Variants in APP observed in about 807,000 individuals in gnomAD.
APP encodes the protein amyloid beta precursor protein.
APP carries 31 observed loss-of-function variants against 101.4 expected under a neutral mutation model. The observed-to-expected ratio is 0.31, with a 90% CI of 0.23 to 0.41. APP has a LOEUF of 0.41. Among genes scored for constraint, APP ranks in the 10% least tolerant of loss-of-function variants. The pLI is 1.00. For synonymous variants in APP, 366 were observed against 364.4 expected, an observed-to-expected ratio of 1.00 and a Z score of -0.05; for missense variants, 839 against 1,003.7, an observed-to-expected ratio of 0.84 and a Z score of 2.22.
At chr21:26,036,950 T>G (rs756744962) in intron 5 of APP, among the ~76,000 whole-genome samples, 6 of 152,128 alleles carry the variant, frequency 3.9e-5, no homozygotes, top group Middle Eastern at 3.4e-3. Flanking sequence ...CCAAAGAGAC[T>G]AATGGATGAA....
intron 13 of APP, among the ~76,000 whole-genome samples, chr21:25,917,029 G>A (rs554071680): frequency 2.6e-5 from 4 of 152,256 alleles, no homozygotes; most frequent in East Asian, 3.9e-4. Flanking sequence ...TTGGGAGGCC[G>A]AGGTGGGTGG....
intron 11 of APP, among the ~76,000 whole-genome samples, chr21:25,956,122 T>A (rs2041310095): frequency 6.6e-6 from 1 of 152,210 alleles, no homozygotes; most frequent in African/African-American, 2.4e-5. Context: ...GAGACTACAT[T>A]GCTACGTGTA....
At chr21:26,032,686 T>C (rs544302348) in intron 5 of APP, among the ~76,000 whole-genome samples, 1 of 152,308 alleles carries the variant, frequency 6.6e-6, no homozygotes, top group Non-Finnish European at 1.5e-5. Flanking sequence ...AGCTTAAATG[T>C]ATACTTATGA....
At chr21:26,124,578 C>A (rs2062642779) in intron 1 of APP, among the ~76,000 whole-genome samples, 1 of 152,098 alleles carries the variant, frequency 6.6e-6, no homozygotes, top group African/African-American at 2.4e-5. Context: ...TTTTTTTAAT[C>A]CTGCTGCTAA....
At chr21:26,028,674 T>C (rs553665770) in intron 5 of APP, among the ~76,000 whole-genome samples, 66 of 152,152 alleles carry the variant, frequency 4.3e-4, no homozygotes, top group Non-Finnish European at 6.0e-4. Flanking sequence ...CATTCATCCA[T>C]TGAATCATTC....
At chr21:25,891,609 C>G in intron 17 of APP, 113 bp downstream of exon 17, 1 of 1,037,146 alleles carries the variant, frequency 9.6e-7, no homozygotes. Context: ...ATCATGGAAG[C>G]ACACTGATTC....
In APP at chr21:26,020,401, A is replaced by G. The variant is rs546583153; in HGVS notation, c.865+1439T>C. ...GCAAATTTCTTAAAGCCGCTGAATT[A>G]TATACTTAAAAGCAAATGAAACTTA... is the stretch of plus-strand genomic sequence containing the variant. On this transcript the variant is annotated intron_variant, in intron 6 of 17. Coordinates refer to ENST00000346798, the MANE Select transcript of APP (RefSeq NM_000484.4). 7.2e-4 allele frequency among the ~76,000 whole-genome samples: 109 copies of G among 152,326 alleles called. 1 individual carries two copies. Among genetic ancestry groups the G allele is most frequent in the Middle Eastern group, 6.8e-3 (2 of 294 alleles).
In APP at chr21:26,021,928, C is replaced by T. The variant is rs1449554896; in HGVS notation, c.777G>A (p.Glu259=). 2 of 1,613,244 alleles carry T rather than the reference C, an allele frequency of 1.2e-6. No homozygotes were observed. The highest frequency in any genetic ancestry group is 2.2e-5 in the East Asian group (1 of 44,844). Residue 259 remains glutamate, a synonymous_variant, in exon 6 of 18, where the codon GAG becomes GAA. Transcript: ENST00000346798. ...EDGDEVEEEA[E]EPYEEATERT... The stretch of plus-strand genomic sequence containing the variant: ...TCTCTGTGGCTTCTTCGTAGGGTTC[C>T]TCAGCCTCTTCCTCTACCTCATCAC...
chr21:26,094,321 C>G (rs1399401587), intron 2 of APP, among the ~76,000 whole-genome samples: 1 of 151,948 alleles, frequency 6.6e-6, no homozygotes, highest in African/African-American at 2.4e-5. Flanking sequence ...CATTAGCAAT[C>G]AAGGTAACAA....
intron 3 of APP, among the ~76,000 whole-genome samples, chr21:26,057,895 C>T (rs2145981783): frequency 1.3e-5 from 2 of 152,202 alleles, no homozygotes; most frequent in East Asian, 3.8e-4. Context: ...TTATAATCTA[C>T]AATGTGGTCA....
chr21:26,096,938 T>C lies in APP; in HGVS notation c.226-6866A>G, dbSNP rs2061954830. Among the ~76,000 whole-genome samples, 3 of 152,194 alleles carry C rather than the reference T, an allele frequency of 2.0e-5. No individual in the cohort carries two copies. The South Asian group carries it at 6.2e-4, about 32-fold the overall frequency. ...AGGGAAGATGAGAAACAGACAAGAC[T>C]GGATCTGGCAGAGACCGGATCTGAC... is the stretch of plus-strand genomic sequence containing the variant. On this transcript the variant is annotated intron_variant, in intron 2 of 17. Transcript: ENST00000346798.
chr21:26,133,758 C>T (rs1406556006), intron 1 of APP, among the ~76,000 whole-genome samples: 10 of 152,070 alleles, frequency 6.6e-5, no homozygotes, highest in Admixed American at 5.2e-4. Context: ...GGCGACAGAG[C>T]GAGACTCTGT....
At chr21:26,145,423 A>G (rs2063133553) in intron 1 of APP, among the ~76,000 whole-genome samples, 1 of 152,164 alleles carries the variant, frequency 6.6e-6, no homozygotes, top group Non-Finnish European at 1.5e-5. Context: ...GATCCCTCCC[A>G]TGTTTAGTTC....
At chr21:25,951,433 T>G (rs1569097479) in intron 13 of APP, among the ~76,000 whole-genome samples, 1 of 152,254 alleles carries the variant, frequency 6.6e-6, no homozygotes, top group Non-Finnish European at 1.5e-5. Context: ...TCTCTACAGA[T>G]GTTTGACTGC....
chr21:25,940,774 G>A (rs916603695), intron 13 of APP, among the ~76,000 whole-genome samples: 1 of 152,148 alleles, frequency 6.6e-6, no homozygotes, highest in African/African-American at 2.4e-5. Flanking sequence ...TTAATGAGTT[G>A]ATTAGTCTCT....
intron 6 of APP, among the ~76,000 whole-genome samples, chr21:26,004,388 G>A (rs968008409): frequency 6.8e-6 from 1 of 147,394 alleles, no homozygotes; most frequent in Non-Finnish European, 1.5e-5. Flanking sequence ...CGCCTCCCAG[G>A]TTCACGCCAT....
At chr21:26,098,915 T>A (rs1409883460) in intron 2 of APP, among the ~76,000 whole-genome samples, 1 of 152,218 alleles carries the variant, frequency 6.6e-6, no homozygotes, top group Non-Finnish European at 1.5e-5. Flanking sequence ...CGCATGTGTT[T>A]TGCCAGGATT....
chr21:26,103,083 T>A (rs1439369965), intron 2 of APP, among the ~76,000 whole-genome samples: 1 of 152,092 alleles, frequency 6.6e-6, no homozygotes, highest in African/African-American at 2.4e-5. Flanking sequence ...TCACACAAAC[T>A]ACCCTAAACA....
chr21:26,013,317 A>AAAAAC (rs1443067067), intron 6 of APP, among the ~76,000 whole-genome samples: 5 of 152,202 alleles, frequency 3.3e-5, no homozygotes, highest in Non-Finnish European at 7.3e-5. Flanking sequence ...ACTCCATCTT[A>AAAAAC]AAAACAAAAC....
Sources: gnomAD v4.1 joint callset for allele counts (sites outside exome capture counted in the v4.1 genomes callset) on GRCh38, gnomAD v4.1.1 for gene constraint, MANE v1.5 for transcripts, NCBI Gene and HGNC (gene_info 2026-07-23, HGNC 2026-07-21) for gene names.